Variants in GPC5 observed in about 807,000 individuals in gnomAD.
GPC5 encodes glypican-5.
In GPC5, 47 loss-of-function variants were observed where a neutral mutation model predicts 53.9. That is an observed-to-expected ratio of 0.87 (90% CI 0.69 to 1.11). The LOEUF is 1.11. Ranked by LOEUF, GPC5 falls within the 50% of genes most tolerant of loss-of-function variation. The pLI is 0.00. For missense variants in GPC5, 748 were observed against 713.1 expected, an observed-to-expected ratio of 1.05 and a Z score of -0.56; for synonymous variants, 286 against 263.3, an observed-to-expected ratio of 1.09 and a Z score of -0.84.
At position 91,562,359 on chromosome 13, in the gene GPC5, A is replaced by G. The variant is rs184095219; in HGVS notation, c.325+113437A>G. Among the ~76,000 whole-genome samples the G allele has an allele frequency of 5.8e-4, 89 of 152,292 alleles. 1 individual carries two copies. Among genetic ancestry groups the G allele is most frequent in the African/African-American group, 2.0e-3 (85 of 41,580 alleles). ...CAACGATGTGTGTGCAGTCACCTTC[A>G]TAAGTACATGGGGGAGTTCTCCAAA... On this transcript the variant is annotated intron_variant, in intron 2 of 7. Coordinates refer to ENST00000377067, the MANE Select transcript of GPC5 (RefSeq NM_004466.6).
intron 7 of GPC5, among the ~76,000 whole-genome samples, chr13:92,357,698 A>G: frequency 6.6e-6 from 1 of 151,610 alleles, no homozygotes; most frequent in East Asian, 1.9e-4. Flanking sequence ...CGAAAGGCGA[A>G]GAGGAAGGAG....
At chr13:91,767,613 T>C (rs560638921) in intron 5 of GPC5, among the ~76,000 whole-genome samples, 5 of 152,194 alleles carry the variant, frequency 3.3e-5, no homozygotes, top group Non-Finnish European at 5.9e-5. Flanking sequence ...AGGAAATAGG[T>C]ATTTTAAACA....
intron 7 of GPC5, among the ~76,000 whole-genome samples, chr13:92,569,411 T>TATGTTAC (rs1235097061): frequency 6.6e-6 from 1 of 152,072 alleles, no homozygotes; most frequent in African/African-American, 2.4e-5. Flanking sequence ...CCTTGTGTTG[T>TATGTTAC]ATGTTACATT....
At chr13:91,624,636 A>T (rs1828861465) in intron 2 of GPC5, among the ~76,000 whole-genome samples, 1 of 152,048 alleles carries the variant, frequency 6.6e-6, no homozygotes, top group African/African-American at 2.4e-5. Flanking sequence ...GCTTGACTAT[A>T]GGAACACTGC....
intron 7 of GPC5, among the ~76,000 whole-genome samples, chr13:92,212,330 G>C (rs2042381225): frequency 6.6e-6 from 1 of 152,150 alleles, no homozygotes. Context: ...ACTGAGGACT[G>C]TCTAGAGCTC....
chr13:91,572,397 C>T (rs10047726), intron 2 of GPC5, among the ~76,000 whole-genome samples: 72,950 of 151,650 alleles, frequency 0.48, 19,818 homozygotes, highest in African/African-American at 0.76. Flanking sequence ...ACAGGGTGAT[C>T]TATAAAGAAA....
At chr13:92,477,991 C>T (rs1220385483) in intron 7 of GPC5, among the ~76,000 whole-genome samples, 1 of 152,084 alleles carries the variant, frequency 6.6e-6, no homozygotes, top group Non-Finnish European at 1.5e-5. Flanking sequence ...ATTTGTACTT[C>T]TCTTAAATAT....
chr13:92,122,740 C>CTT (rs3058805), intron 6 of GPC5, among the ~76,000 whole-genome samples: 1,101 of 67,098 alleles, frequency 0.016, 54 homozygotes, highest in Middle Eastern at 0.037. Flanking sequence ...ATAGGTCAGT[C>CTT]TTTTTTTTTT....
chr13:92,011,344 A>G (rs1172588676), intron 6 of GPC5, among the ~76,000 whole-genome samples: 1 of 152,194 alleles, frequency 6.6e-6, no homozygotes, highest in African/African-American at 2.4e-5. Context: ...AAAACAAAAC[A>G]TGCAATGTGT....
intron 2 of GPC5, among the ~76,000 whole-genome samples, chr13:91,640,642 G>A (rs1408473707): frequency 6.6e-6 from 1 of 151,998 alleles, no homozygotes; most frequent in South Asian, 2.1e-4. Context: ...ATACCTAAAG[G>A]AATATAAATG....
chr13:91,785,492 G>C (rs1344496179), intron 5 of GPC5, among the ~76,000 whole-genome samples: 1 of 148,048 alleles, frequency 6.8e-6, no homozygotes, highest in Admixed American at 6.7e-5. Flanking sequence ...TTAAATACAT[G>C]AATACGATAT....
At chr13:92,676,990 T>A (rs1159886935) in intron 7 of GPC5, among the ~76,000 whole-genome samples, 2 of 152,164 alleles carry the variant, frequency 1.3e-5, no homozygotes, top group Non-Finnish European at 2.9e-5. Context: ...ATTATCACTC[T>A]ATTAACTGGA....
intron 7 of GPC5, among the ~76,000 whole-genome samples, chr13:92,382,536 A>C (rs543326709): frequency 3.5e-3 from 487 of 138,904 alleles, no homozygotes; most frequent in South Asian, 4.6e-3. Flanking sequence ...GGTAAATTTA[A>C]ATAAATTTAT....
rs559953735 is a variant in GPC5, at chr13:91,756,736, T to C, written c.1280+316T>C. On this transcript the variant is annotated intron_variant, in intron 5 of 7. Coordinates refer to ENST00000377067, the MANE Select transcript of GPC5 (RefSeq NM_004466.6). ...TCTGTCTGTTGTTTACCAAATATTG[T>C]ATTTCTTTTTAGTTTAAATTCATGA... Among the ~76,000 whole-genome samples, 5 of 152,276 alleles carry C rather than the reference T, an allele frequency of 3.3e-5. No individual in the cohort carries two copies. In the East Asian group the frequency reaches 7.7e-4, roughly 24 times the overall value.
At chr13:91,641,948 A>C (rs2034441053) in intron 2 of GPC5, among the ~76,000 whole-genome samples, 1 of 152,224 alleles carries the variant, frequency 6.6e-6, no homozygotes, top group Admixed American at 6.5e-5. Flanking sequence ...TGAATACAAG[A>C]GGCTAAAGTC....
chr13:91,670,920 C>T (rs1415195837), intron 2 of GPC5, among the ~76,000 whole-genome samples: 1 of 152,118 alleles, frequency 6.6e-6, no homozygotes, highest in East Asian at 1.9e-4. Flanking sequence ...CTTTATTCTC[C>T]TATAGCAAAA....
At chr13:91,583,603 A>G (rs1190783977) in intron 2 of GPC5, among the ~76,000 whole-genome samples, 1 of 1,408 alleles carries the variant, frequency 7.1e-4, no homozygotes, top group Non-Finnish European at 6.3e-3. Flanking sequence ...AAATTTTGTC[A>G]AGGTTTTTTT....
intron 6 of GPC5, among the ~76,000 whole-genome samples, chr13:92,126,812 G>A (rs1360701579): frequency 1.3e-5 from 1 of 75,944 alleles, no homozygotes; most frequent in Non-Finnish European, 3.6e-5. Flanking sequence ...GAAAGGAAAA[G>A]TTGGAGTGTG....
chr13:92,369,694 C>A (rs968251681), intron 7 of GPC5, among the ~76,000 whole-genome samples: 4 of 152,296 alleles, frequency 2.6e-5, no homozygotes, highest in African/African-American at 9.6e-5. Flanking sequence ...CTCAGATCTT[C>A]GTATCATAAA....
Sources: gnomAD v4.1 joint callset for allele counts (sites outside exome capture counted in the v4.1 genomes callset) on GRCh38, gnomAD v4.1.1 for gene constraint, MANE v1.5 for transcripts, NCBI Gene and HGNC (gene_info 2026-07-23, HGNC 2026-07-21) for gene names.